KDM4C: variants seen among roughly 807,000 people sequenced by gnomAD.
KDM4C encodes the protein lysine demethylase 4C, also known as lysine-specific demethylase 4C.
KDM4C carries 81 observed loss-of-function variants against 129.3 expected under a neutral mutation model. That is an observed-to-expected ratio of 0.63 (90% CI 0.52 to 0.75). The LOEUF (loss-of-function observed/expected upper bound fraction) is 0.75. Among genes scored for constraint, KDM4C ranks in the 30% least tolerant of loss-of-function variants. The probability of loss-of-function intolerance (pLI) is 0.00; values close to 1 mark genes in which losing one functional copy is unlikely to be tolerated. For missense variants in KDM4C, 1,457 were observed against 1,304.0 expected, an observed-to-expected ratio of 1.12 and a Z score of -1.81; for synonymous variants, 573 against 456.1, an observed-to-expected ratio of 1.26 and a Z score of -3.26.
At chr9:6,944,673 T>G (rs1426978143) in intron 8 of KDM4C, among the ~76,000 whole-genome samples, 3 of 148,922 alleles carry the variant, frequency 2.0e-5, no homozygotes, top group Non-Finnish European at 3.0e-5. Flanking sequence ...TTTTTTTTTT[T>G]TGCCTCTGTG....
intron 17 of KDM4C, among the ~76,000 whole-genome samples, chr9:7,096,027 C>A (rs865814012): frequency 6.6e-6 from 1 of 152,194 alleles, no homozygotes; most frequent in Non-Finnish European, 1.5e-5. Context: ...TCTTTCCCCA[C>A]CCATCAGCTG....
chr9:6,772,109 A>G (rs1821961106), intron 1 of KDM4C, among the ~76,000 whole-genome samples: 1 of 152,198 alleles, frequency 6.6e-6, no homozygotes, highest in African/African-American at 2.4e-5. Flanking sequence ...TAGAAAGTAA[A>G]TGAGTTAGGT....
chr9:7,090,200 C>G (rs1316711618), intron 17 of KDM4C, among the ~76,000 whole-genome samples: 1 of 152,220 alleles, frequency 6.6e-6, no homozygotes, highest in East Asian at 1.9e-4. Context: ...TGGAACTTGA[C>G]AAGCAGATTC....
chr9:6,901,191 C>T (rs1394054795), intron 8 of KDM4C, among the ~76,000 whole-genome samples: 2 of 152,088 alleles, frequency 1.3e-5, no homozygotes, highest in Non-Finnish European at 2.9e-5. Flanking sequence ...CTGGCCAACC[C>T]CTGGAGGGAA....
At chr9:6,832,540 C>G (rs1314876604) in intron 4 of KDM4C, among the ~76,000 whole-genome samples, 6 of 146,748 alleles carry the variant, frequency 4.1e-5, no homozygotes, top group African/African-American at 1.5e-4. Flanking sequence ...ATTCTCCTGC[C>G]TCAGCCTCCC....
At chr9:6,796,730 C>T (rs1195705752) in intron 2 of KDM4C, among the ~76,000 whole-genome samples, 2 of 152,200 alleles carry the variant, frequency 1.3e-5, no homozygotes, top group African/African-American at 4.8e-5. Flanking sequence ...TTACTCAATC[C>T]TGTGATAATT....
chr9:6,984,031 C>G lies in KDM4C; in HGVS notation c.1116-135C>G. ...TCAAATTTAATCATTCAGTTGTGAA[C>G]ATTGACTTGGCATAGTGATTAACAA... is the stretch of plus-strand genomic sequence containing the variant. On this transcript the variant is annotated intron_variant, in intron 9 of 21. Coordinates refer to ENST00000381309, the MANE Select transcript of KDM4C (RefSeq NM_015061.6). 3 of 588,420 alleles carry G rather than the reference C, an allele frequency of 5.1e-6. No individual in the cohort carries two copies. The East Asian group carries it at 8.6e-5, about 17-fold the overall frequency. 36.4% of individuals were successfully genotyped at this position (588,420 alleles called of 1,614,324 possible).
rs568265433 is a variant in KDM4C, at chr9:7,108,305, C to T, written c.2610+4435C>T. ...AGGCTGGAGCGCAGTGGCATGATCT[C>T]GACTCACTGCAACCTCTGCTTCCTG... On this transcript the variant is annotated intron_variant, in intron 18 of 21. Transcript: ENST00000381309. Among the ~76,000 whole-genome samples, 10 of 152,130 alleles carry T rather than the reference C, an allele frequency of 6.6e-5. 1 individual carries two copies. Among genetic ancestry groups the T allele is most frequent in the Middle Eastern group, 3.4e-3 (1 of 294 alleles).
intron 19 of KDM4C, among the ~76,000 whole-genome samples, chr9:7,160,874 C>T (rs908197687): frequency 2.0e-5 from 3 of 152,210 alleles, no homozygotes; most frequent in African/African-American, 7.2e-5. Flanking sequence ...AGCTGTCAGA[C>T]AGGGAAGTTT....
intron 1 of KDM4C, among the ~76,000 whole-genome samples, chr9:6,778,047 A>T (rs1823464835): frequency 6.7e-6 from 1 of 149,054 alleles, no homozygotes; most frequent in Non-Finnish European, 1.5e-5. Context: ...CAGCCTCCTG[A>T]GTGGCTGGGA....
intron 4 of KDM4C, chr9:6,834,876 C>T: frequency 3.8e-6 from 5 of 1,311,276 alleles, no homozygotes; most frequent in Non-Finnish European, 5.5e-6. Context: ...CCCGTGCTGT[C>T]CCTGTACTTC....
intron 4 of KDM4C, among the ~76,000 whole-genome samples, chr9:6,842,261 C>CTACATTTT (rs1047605824): frequency 6.6e-5 from 10 of 150,970 alleles, no homozygotes; most frequent in Admixed American, 5.3e-4. Flanking sequence ...TTAATGCCTG[C>CTACATTTT]TACATTTTTT....
At chr9:6,845,010 G>A (rs1437613401) in intron 4 of KDM4C, among the ~76,000 whole-genome samples, 1 of 152,048 alleles carries the variant, frequency 6.6e-6, no homozygotes, top group Non-Finnish European at 1.5e-5. Flanking sequence ...TTCTAATGTT[G>A]CATTGGAAAT....
intron 8 of KDM4C, among the ~76,000 whole-genome samples, chr9:6,898,838 G>A (rs1354248923): frequency 6.6e-6 from 1 of 152,006 alleles, no homozygotes; most frequent in Non-Finnish European, 1.5e-5. Context: ...AACAATCAGG[G>A]ATCATTTTTG....
intron 4 of KDM4C, among the ~76,000 whole-genome samples, chr9:6,817,422 C>T (rs62568865): frequency 0.1 from 15,230 of 151,966 alleles, 862 homozygotes; most frequent in African/African-American, 0.11. Context: ...CCACGCTGGT[C>T]TCAAACTCCT....
At chr9:6,757,137 C>G (rs2996001), upstream of KDM4C, among the ~76,000 whole-genome samples, 33,631 of 152,070 alleles carry the variant, frequency 0.22, 4,139 homozygotes, top group Non-Finnish European at 0.28. Context: ...CTTCTGACAC[C>G]TCGGAAGGCG....
At chr9:6,884,270 T>C (rs1844917446) in intron 6 of KDM4C, among the ~76,000 whole-genome samples, 1 of 152,204 alleles carries the variant, frequency 6.6e-6, no homozygotes, top group African/African-American at 2.4e-5. Context: ...AAATGTAATA[T>C]GTGCCTCTCA....
chr9:7,029,133 C>A (rs1207950457), intron 15 of KDM4C, among the ~76,000 whole-genome samples: 1 of 152,140 alleles, frequency 6.6e-6, no homozygotes, highest in Admixed American at 6.5e-5. Flanking sequence ...GCCCTGTCTC[C>A]AAAATCCTCT....
chr9:7,159,935 TG>T lies in KDM4C; in HGVS notation c.2782-5301del, dbSNP rs1170145308. Among the ~76,000 whole-genome samples the T allele has an allele frequency of 1.9e-4, 29 of 152,208 alleles. 1 individual carries two copies. Among genetic ancestry groups the T allele is most frequent in the Non-Finnish European group, 2.2e-4 (15 of 68,036 alleles). On this transcript the variant is annotated intron_variant, in intron 19 of 21. Transcript: ENST00000381309. The stretch of plus-strand genomic sequence containing the variant: ...CTATCCTGACGAGTGTTTTCCAACT[TG>T]GTTCTATTCTCCCCATCACTTTCAG...
Sources: gnomAD v4.1 joint callset for allele counts (sites outside exome capture counted in the v4.1 genomes callset) on GRCh38, gnomAD v4.1.1 for gene constraint, MANE v1.5 for transcripts, NCBI Gene and HGNC (gene_info 2026-07-23, HGNC 2026-07-21) for gene names.